EFNA1: variants seen among roughly 807,000 people sequenced by gnomAD.
The protein encoded by EFNA1 is ephrin-A1.
In EFNA1, 8 loss-of-function variants were observed where a neutral mutation model predicts 23.2. That is an observed-to-expected ratio of 0.34 (90% confidence interval 0.20 to 0.62). The LOEUF (loss-of-function observed/expected upper bound fraction) is 0.62. Ranked by LOEUF, EFNA1 falls within the 20% of genes least tolerant of loss-of-function variation. The pLI is 0.75. For missense variants in EFNA1, 217 were observed against 260.0 expected (o/e 0.83, Z 1.14); for synonymous variants, 89 against 98.6 (o/e 0.90, Z 0.58).
At position 155,131,501 on chromosome 1, in the gene EFNA1, G is replaced by A. The variant is rs764455474; in HGVS notation, c.255G>A (p.Lys85=). 3 of 1,613,542 alleles carry A rather than the reference G, an allele frequency of 1.9e-6. No homozygotes were observed. In the African/African-American group the frequency reaches 4.0e-5, roughly 22 times the overall value. The change falls in exon 2 of 5, where the codon AAG becomes AAA. Residue 85 remains lysine, a synonymous_variant. Transcript: ENST00000368407. ...EEYQLCQPQS[K]DQVRWQCNRP... Reference sequence around the variant, plus strand: ...ACCAGCTGTGCCAGCCCCAGTCCAAGGACCAAGTCCGCTGGCAGTGCAACC... The same window carrying A: ...ACCAGCTGTGCCAGCCCCAGTCCAAAGACCAAGTCCGCTGGCAGTGCAACC...
intron 4 of EFNA1, 25 bp downstream of exon 4, chr1:155,133,805 C>T: frequency 6.2e-7 from 1 of 1,613,972 alleles, no homozygotes; most frequent in Non-Finnish European, 8.5e-7. Flanking sequence ...CAAACTGGGC[C>T]TGGGGCACAG....
At chr1:155,129,830 T>G (rs573532580) in intron 1 of EFNA1, 2 of 152,412 alleles carry the variant, frequency 1.3e-5, no homozygotes, top group Admixed American at 6.5e-5. Flanking sequence ...TGGGGGTGAG[T>G]GGGCGCTGTG....
chr1:155,131,368 T>C lies in EFNA1; in HGVS notation c.122T>C (p.Val41Ala). Reference sequence around the variant, plus strand: ...CGGAATGAGGACTACACCATACATGTGCAGCTGAATGACTACGTGGACATC... The same window carrying C: ...CGGAATGAGGACTACACCATACATGCGCAGCTGAATGACTACGTGGACATC... ...KFRNEDYTIH[V>A]QLNDYVDIIC... Residue 41 changes from valine (V) to alanine (A), a missense_variant, in exon 2 of 5, where the codon GTG (valine) becomes GCG (alanine). Physicochemically the swap from Val to Ala is moderately conservative, Grantham distance 64. Transcript: ENST00000368407. 6.2e-7 allele frequency: 1 copy of C among 1,613,798 alleles called. No homozygotes were observed. Among genetic ancestry groups the C allele is most frequent in the East Asian group, 2.2e-5 (1 of 44,880 alleles).
intron 1 of EFNA1, chr1:155,130,936 T>A: frequency 1.0e-6 from 1 of 985,358 alleles, no homozygotes; most frequent in Non-Finnish European, 1.2e-6. Flanking sequence ...GGGTCTCAGA[T>A]TGAGGCCTAA....
At position 155,127,920 on chromosome 1, in the gene EFNA1, G is replaced by A; in HGVS notation, c.-58G>A. On this transcript the variant is annotated 5_prime_UTR_variant, in exon 1 of 5. Coordinates refer to ENST00000368407, the MANE Select transcript of EFNA1 (RefSeq NM_004428.3). This position sits in a 1 kb window ranked among gnomAD's most constrained non-coding sequence, Gnocchi z 4.4. The stretch of plus-strand genomic sequence containing the variant: ...TGACTGCGCCGCGGAGAAAGCCAGT[G>A]GGAACCCAGACCCATAGGAGACCCG... 2 of 1,393,596 alleles carry A rather than the reference G, an allele frequency of 1.4e-6. No homozygotes were observed. Among genetic ancestry groups the A allele is most frequent in the South Asian group, 1.2e-5 (1 of 84,356 alleles). The allele number at this position is 1,393,596 out of a possible 1,614,324, so 86.3% of individuals were successfully genotyped here. A position where few individuals can be genotyped will look rare whatever the true frequency, so the allele number is the denominator to read the frequency against.
intron 2 of EFNA1, among the ~76,000 whole-genome samples, 183 bp downstream of exon 2, chr1:155,131,817 A>G (rs149119468): frequency 1.3e-5 from 2 of 152,242 alleles, no homozygotes; most frequent in African/African-American, 2.4e-5. Flanking sequence ...GTTTAGCGCT[A>G]TGAGCACAAA....
At chr1:155,129,352 C>G (rs1190872395) in intron 1 of EFNA1, among the ~76,000 whole-genome samples, 1 of 152,092 alleles carries the variant, frequency 6.6e-6, no homozygotes, top group Non-Finnish European at 1.5e-5. Context: ...TCCCAAGCTC[C>G]CAGGTTTCCT....
chr1:155,133,762 G>A lies in EFNA1; in HGVS notation c.487G>A (p.Glu163Lys). The A allele has an allele frequency of 6.2e-7, 1 of 1,614,112 alleles. No individual in the cohort carries two copies. Among genetic ancestry groups the A allele is most frequent in the African/African-American group, 1.3e-5 (1 of 75,014 alleles). ...HSPQAHDNPQEKRLAADDPEV... is the reference protein window; with the variant it reads ...HSPQAHDNPQKKRLAADDPEV... ...TCCTCAGGCCCATGACAATCCACAGGAGAAGAGACTTGCAGCAGGTGGGTA... is the reference window on the plus strand; with the variant it reads ...TCCTCAGGCCCATGACAATCCACAGAAGAAGAGACTTGCAGCAGGTGGGTA... Residue 163 changes from glutamate (E) to lysine (K), a missense_variant, in exon 4 of 5, where the codon GAG (glutamate) becomes AAG (lysine). Glu to Lys is a moderately conservative substitution (Grantham distance 56). Coordinates refer to ENST00000368407, the MANE Select transcript of EFNA1 (RefSeq NM_004428.3).
chr1:155,130,390 G>C (rs939652110), intron 1 of EFNA1: 1 of 504,688 alleles, frequency 2.0e-6, no homozygotes, highest in Non-Finnish European at 2.6e-6. Context: ...GGGAGGGGCT[G>C]GTGGGCAGTC....
rs185165544 is a variant in EFNA1, at chr1:155,134,438, C to T, written c.*371C>T. The stretch of plus-strand genomic sequence containing the variant: ...GGGCAAAGCTTGTCAAAGATGCCCC[C>T]TCCAGGAGAGAGCCAGGATGCCCAG... On this transcript the variant is annotated 3_prime_UTR_variant, in exon 5 of 5. Transcript: ENST00000368407. 79 of 285,532 alleles carry T rather than the reference C, an allele frequency of 2.8e-4. No homozygotes were observed. The East Asian group carries it at 6.8e-3, about 25-fold the overall frequency. The allele number at this position is 285,532 out of a possible 1,614,324, so 17.7% of individuals were successfully genotyped here.
intron 2 of EFNA1, 150 bp downstream of exon 2, chr1:155,131,784 T>C: frequency 1.1e-6 from 1 of 908,324 alleles, no homozygotes; most frequent in Non-Finnish European, 1.7e-6. Flanking sequence ...GTGAGTGAGC[T>C]TCTACTATGT....
chr1:155,133,594 C>T (rs1664290012), intron 3 of EFNA1, 26 bp downstream of exon 3: 3 of 1,613,428 alleles, frequency 1.9e-6, no homozygotes, highest in Non-Finnish European at 2.5e-6. Flanking sequence ...CTGTGGGCCT[C>T]CTTCCTCCAT....
intron 1 of EFNA1, chr1:155,130,412 G>A (rs1049946854): frequency 2.3e-4 from 166 of 737,424 alleles, no homozygotes; most frequent in Non-Finnish European, 2.7e-4. Context: ...GGCTGGAGCC[G>A]GTGGGGCCAG....
At chr1:155,130,432 A>C in intron 1 of EFNA1, 2 of 851,874 alleles carry the variant, frequency 2.3e-6, no homozygotes, top group Non-Finnish European at 1.4e-6. Context: ...GGGGGAATGA[A>C]CTAGGGGAGG....
chr1:155,132,590 G>C lies in EFNA1; in HGVS notation c.389-913G>C, dbSNP rs189440905. ...TATGAGATCATCCAGCACTTTGGGA[G>C]GCCGAGGTGGGTGGATCACCTAGGG... On this transcript the variant is annotated intron_variant, in intron 2 of 4. Coordinates refer to ENST00000368407, the MANE Select transcript of EFNA1 (RefSeq NM_004428.3). Among the ~76,000 whole-genome samples, 1,092 of 151,544 alleles carry C rather than the reference G, an allele frequency of 7.2e-3. 3 individuals are homozygous for C. Among genetic ancestry groups the C allele is most frequent in the South Asian group, 0.012 (58 of 4,796 alleles).
At position 155,130,460 on chromosome 1, in the gene EFNA1, GGGA is replaced by G. The variant is rs556977193; in HGVS notation, c.93-873_93-871del. Reference sequence around the variant, plus strand: ...AGGGGAGGGGTGCTGGCTCCACCTTGGGAGGAGGGGAGAGGAGGGGAGAGGGGG... The same window carrying G: ...AGGGGAGGGGTGCTGGCTCCACCTTGGGAGGGGAGAGGAGGGGAGAGGGGG... On this transcript the variant is annotated intron_variant, in intron 1 of 4. Coordinates refer to ENST00000368407, the MANE Select transcript of EFNA1 (RefSeq NM_004428.3). 2,719 of 965,332 alleles carry G rather than the reference GGGA, an allele frequency of 2.8e-3. 5 individuals carry two copies. The highest frequency in any genetic ancestry group is 3.1e-3 in the Non-Finnish European group (2,498 of 811,880). The allele number at this position is 965,332 out of a possible 1,614,324, so 59.8% of individuals were successfully genotyped here.
chr1:155,128,122 A>C (rs1241169188), intron 1 of EFNA1, 53 bp downstream of exon 1: 7 of 1,487,860 alleles, frequency 4.7e-6, no homozygotes, highest in Non-Finnish European at 6.5e-6. Context: ...GCACTACCCC[A>C]CCGGGATAAC....
chr1:155,130,776 G>A lies in EFNA1; in HGVS notation c.93-563G>A. On this transcript the variant is annotated intron_variant, in intron 1 of 4. Transcript: ENST00000368407. ...ATACTAGCTTCACTTTTGAGGAAAAGTGAAGCTGGGAAATGTGAGATCTAC... is the reference window on the plus strand; with the variant it reads ...ATACTAGCTTCACTTTTGAGGAAAAATGAAGCTGGGAAATGTGAGATCTAC... 3.0e-6 allele frequency: 3 copies of A among 984,790 alleles called. No homozygotes were observed. The South Asian group carries it at 1.4e-4, about 46-fold the overall frequency. 61.0% of individuals were successfully genotyped at this position (984,790 alleles called of 1,614,324 possible).
At chr1:155,133,373 G>A in intron 2 of EFNA1, 130 bp from the exon 3 acceptor site, 1 of 1,020,654 alleles carries the variant, frequency 9.8e-7, no homozygotes, top group Non-Finnish European at 1.5e-6. Context: ...AGGAGGGTAG[G>A]AATCAAGGTT....
Sources: allele counts gnomAD v4.1 joint callset (sites outside exome capture counted in the v4.1 genomes callset), GRCh38; gene constraint gnomAD v4.1.1; non-coding constraint Gnocchi (gnomAD v3.1); transcripts MANE v1.5; gene names NCBI Gene and HGNC (gene_info 2026-07-23, HGNC 2026-07-21).